The following RIN3 variants were observed in gnomAD, a reference collection of about 807,000 sequenced individuals.
RIN3 encodes Ras and Rab interactor 3, also known as RAB5 interacting protein 3.
Under a neutral mutation model 76.3 loss-of-function variants are expected in RIN3, and 54 were observed. The ratio of observed to expected loss-of-function variants is 0.71; its 90% CI spans 0.57 to 0.89. The LOEUF is 0.89. Among genes scored for constraint, RIN3 ranks in the 40% least tolerant of loss-of-function variants. The pLI is 0.00. For missense variants in RIN3, 1,256 were observed against 1,322.1 expected, an observed-to-expected ratio of 0.95 and a Z score of 0.78; for synonymous variants, 576 against 564.0, an observed-to-expected ratio of 1.02 and a Z score of -0.30.
intron 4 of RIN3, among the ~76,000 whole-genome samples, chr14:92,630,755 G>T (rs1344240193): frequency 6.6e-6 from 1 of 152,210 alleles, no homozygotes; most frequent in Non-Finnish European, 1.5e-5. Context: ...TATTTTGAGG[G>T]ATGTCAGCTC....
chr14:92,664,475 C>T (rs1231217787), intron 7 of RIN3, among the ~76,000 whole-genome samples: 1 of 146,250 alleles, frequency 6.8e-6, no homozygotes, highest in Non-Finnish European at 1.5e-5. Context: ...TCACGCCATT[C>T]TCCTGCCCCA....
In RIN3 at chr14:92,514,928, C is replaced by A. The variant is rs1896397509; in HGVS notation, c.44+952C>A. On this transcript the variant is annotated intron_variant, in intron 1 of 9. Coordinates refer to ENST00000216487, the MANE Select transcript of RIN3 (RefSeq NM_024832.5). The surrounding 1 kb of genome is among the most constrained non-coding windows in gnomAD (Gnocchi z 7.2). Reference sequence around the variant, plus strand: ...AGCTTTTTGGTTTAAAAGTCCCGGGCCTACTTCTCTGATGGACACCCTGCC... The same window carrying A: ...AGCTTTTTGGTTTAAAAGTCCCGGGACTACTTCTCTGATGGACACCCTGCC... Among the ~76,000 whole-genome samples the A allele has an allele frequency of 6.6e-6, 1 of 152,202 alleles. No individual in the cohort carries two copies. Among genetic ancestry groups the A allele is most frequent in the South Asian group, 2.1e-4 (1 of 4,832 alleles).
chr14:92,622,150 A>G (rs1323410186), intron 4 of RIN3, among the ~76,000 whole-genome samples: 1 of 152,230 alleles, frequency 6.6e-6, no homozygotes, highest in Non-Finnish European at 1.5e-5. Flanking sequence ...CCAAGCAGCC[A>G]TTGCAACTGC....
chr14:92,643,269 G>A lies in RIN3; in HGVS notation c.532+1940G>A, dbSNP rs1036624313. Reference sequence around the variant, plus strand: ...GGGTTTCACCATATTGGTCAGGCTGGTCTTGAACTCCTGACCTCATGATCC... The same window carrying A: ...GGGTTTCACCATATTGGTCAGGCTGATCTTGAACTCCTGACCTCATGATCC... On this transcript the variant is annotated intron_variant, in intron 5 of 9. Coordinates refer to ENST00000216487, the MANE Select transcript of RIN3 (RefSeq NM_024832.5). The surrounding 1 kb of genome is among the most constrained non-coding windows in gnomAD (Gnocchi z 4.8). 6.6e-6 allele frequency among the ~76,000 whole-genome samples: 1 copy of A among 152,074 alleles called. No individual in the cohort carries two copies. Among genetic ancestry groups the A allele is most frequent in the East Asian group, 1.9e-4 (1 of 5,192 alleles).
chr14:92,583,618 T>C (rs1468114864), intron 3 of RIN3, among the ~76,000 whole-genome samples: 15 of 152,228 alleles, frequency 9.9e-5, no homozygotes, highest in Admixed American at 9.8e-4. Flanking sequence ...AAATATAGTA[T>C]AACAACTGTG....
rs565101050 is a variant in RIN3, at chr14:92,531,379, A to C, written c.44+17403A>C. Among the ~76,000 whole-genome samples the C allele has an allele frequency of 2.6e-5, 4 of 152,282 alleles. No individual in the cohort carries two copies. The East Asian group carries it at 7.7e-4, about 29-fold the overall frequency. On this transcript the variant is annotated intron_variant, in intron 1 of 9. Coordinates refer to ENST00000216487, the MANE Select transcript of RIN3 (RefSeq NM_024832.5). ...TCTAACCTCTCACTCTTGAAAACTC[A>C]CCCACAGCGACTTCATGCCTTAGCA...
chr14:92,547,932 G>A (rs537706150), intron 1 of RIN3, among the ~76,000 whole-genome samples: 23 of 152,212 alleles, frequency 1.5e-4, no homozygotes, highest in Non-Finnish European at 2.5e-4. Context: ...TCAAACTCCT[G>A]ACCTCAGGTG....
At chr14:92,662,425 C>A (rs367810139) in intron 7 of RIN3, among the ~76,000 whole-genome samples, 1 of 152,332 alleles carries the variant, frequency 6.6e-6, no homozygotes, top group East Asian at 1.9e-4. Context: ...GCTTCCTTGC[C>A]GGCTCTGCCG....
At chr14:92,553,161 C>T (rs766295161) in intron 1 of RIN3, among the ~76,000 whole-genome samples, 1 of 152,068 alleles carries the variant, frequency 6.6e-6, no homozygotes, top group Non-Finnish European at 1.5e-5. Flanking sequence ...AGGACTTGGC[C>T]AAGTGCTAAG....
intron 3 of RIN3, among the ~76,000 whole-genome samples, chr14:92,579,926 A>G (rs1164955299): frequency 6.6e-6 from 1 of 152,244 alleles, no homozygotes; most frequent in Non-Finnish European, 1.5e-5. Flanking sequence ...TCAAAGAGGA[A>G]GAAGCCTCAG....
At chr14:92,610,302 C>T (rs777177374) in intron 3 of RIN3, among the ~76,000 whole-genome samples, 1 of 152,176 alleles carries the variant, frequency 6.6e-6, no homozygotes, top group East Asian at 1.9e-4. Flanking sequence ...GAATGAAGCC[C>T]ATACCATTTA....
rs911375740 is a variant in RIN3, at chr14:92,627,846, A to G, written c.440+12367A>G. Among the ~76,000 whole-genome samples, 6 of 152,376 alleles carry G rather than the reference A, an allele frequency of 3.9e-5. No individual in the cohort carries two copies. In the South Asian group the frequency reaches 8.3e-4, roughly 21 times the overall value. ...AACAAATTGTCAGTGCTGTGAAGTG[A>G]AACCCAGCATTCAGGCAAAAGTTTT... On this transcript the variant is annotated intron_variant, in intron 4 of 9. Transcript: ENST00000216487.
At chr14:92,561,956 G>A (rs1423479974) in intron 2 of RIN3, among the ~76,000 whole-genome samples, 3 of 152,204 alleles carry the variant, frequency 2.0e-5, no homozygotes, top group Admixed American at 2.0e-4. Context: ...ATACCACTGG[G>A]ATTACAGGCG....
intron 7 of RIN3, among the ~76,000 whole-genome samples, chr14:92,671,329 G>A (rs1269120279): frequency 1.3e-5 from 2 of 152,112 alleles, no homozygotes; most frequent in Non-Finnish European, 2.9e-5. Flanking sequence ...CCAGGAGGGG[G>A]GGAACTGCGT....
intron 3 of RIN3, among the ~76,000 whole-genome samples, chr14:92,585,499 A>G (rs555492791): frequency 6.6e-6 from 1 of 152,334 alleles, no homozygotes; most frequent in South Asian, 2.1e-4. Context: ...ACATTTGCCC[A>G]TGACATGGGC....
At chr14:92,580,384 C>T (rs1019578939) in intron 3 of RIN3, among the ~76,000 whole-genome samples, 1 of 152,194 alleles carries the variant, frequency 6.6e-6, no homozygotes, top group African/African-American at 2.4e-5. Flanking sequence ...AAAAACAAAA[C>T]ACAACCCACA....
intron 8 of RIN3, among the ~76,000 whole-genome samples, chr14:92,682,259 G>A (rs748220593): frequency 9.2e-5 from 14 of 151,642 alleles, no homozygotes; most frequent in African/African-American, 2.4e-4. Flanking sequence ...ACCCACCCCC[G>A]CCTCACCACC....
At position 92,652,453 on chromosome 14, in the gene RIN3, A is replaced by C; in HGVS notation, c.1404A>C (p.Arg468=). The C allele has an allele frequency of 6.2e-7, 1 of 1,613,986 alleles. No individual in the cohort carries two copies. Among genetic ancestry groups the C allele is most frequent in the Non-Finnish European group, 8.5e-7 (1 of 1,179,976 alleles). The change falls in exon 6 of 10, where the codon CGA becomes CGC. Residue 468 remains arginine (R), a synonymous_variant. Coordinates refer to ENST00000216487, the MANE Select transcript of RIN3 (RefSeq NM_024832.5). The surrounding 1 kb of genome is among the most constrained non-coding windows in gnomAD (Gnocchi z 6.4). ...VPPPRKKRIS[R]QLASTLPAPL... Reference sequence around the variant, plus strand: ...CCCCCAGGAAAAAACGGATCTCTCGACAACTGGCCTCGACCCTCCCAGCTC... The same window carrying C: ...CCCCCAGGAAAAAACGGATCTCTCGCCAACTGGCCTCGACCCTCCCAGCTC...
At chr14:92,654,374 C>T (rs11629324) in intron 6 of RIN3, among the ~76,000 whole-genome samples, 20,290 of 151,960 alleles carry the variant, frequency 0.13, 1,885 homozygotes, top group East Asian at 0.28. Flanking sequence ...ACTGCCGTAG[C>T]CAAAAAGTGG....
Sources: gnomAD v4.1 joint callset for allele counts (sites outside exome capture counted in the v4.1 genomes callset) on GRCh38, gnomAD v4.1.1 for gene constraint, Gnocchi (gnomAD v3.1) non-coding constraint, MANE v1.5 for transcripts, NCBI Gene and HGNC (gene_info 2026-07-23, HGNC 2026-07-21) for gene names.